RBFOX2: variants seen among roughly 807,000 people sequenced by gnomAD.
RBFOX2 encodes RNA binding fox-1 homolog 2, also known as RNA binding protein fox-1 homolog 2.
RBFOX2 carries 10 observed loss-of-function variants against 49.1 expected under a neutral mutation model. The observed-to-expected ratio is 0.20, with a 90% CI of 0.13 to 0.35. RBFOX2 has a LOEUF of 0.35. RBFOX2 is among the 10% of genes least tolerant of loss of function. The pLI is 1.00. For synonymous variants in RBFOX2, 183 were observed against 187.4 expected, an observed-to-expected ratio of 0.98 and a Z score of 0.19; for missense variants, 323 against 486.9, an observed-to-expected ratio of 0.66 and a Z score of 3.17.
At chr22:36,028,477 C>T in exon 1 of RBFOX2, 2 of 1,139,298 alleles carry the variant, frequency 1.8e-6, no homozygotes, top group Non-Finnish European at 1.1e-6. Flanking sequence ...GACAGGCCAC[C>T]TCCCCCTGGG....
chr22:35,950,495 T>C (rs1484406288), intron 1 of RBFOX2, among the ~76,000 whole-genome samples: 1 of 152,180 alleles, frequency 6.6e-6, no homozygotes, highest in Non-Finnish European at 1.5e-5. Context: ...AGCTAGTAGC[T>C]TCCCTCAGTA....
At chr22:35,883,335 A>G (rs2046168088) in intron 1 of RBFOX2, among the ~76,000 whole-genome samples, 2 of 152,188 alleles carry the variant, frequency 1.3e-5, no homozygotes, top group South Asian at 4.1e-4. Context: ...GATCTCTCCA[A>G]GAGGAACTCT....
intron 1 of RBFOX2, among the ~76,000 whole-genome samples, chr22:36,021,170 C>T (rs910870496): frequency 2.1e-4 from 31 of 145,406 alleles, no homozygotes; most frequent in African/African-American, 7.9e-4. Context: ...ACTGCATGTT[C>T]TCACTCATAG....
At chr22:36,003,901 A>C (rs1225913263) in intron 1 of RBFOX2, among the ~76,000 whole-genome samples, 1 of 152,228 alleles carries the variant, frequency 6.6e-6, no homozygotes, top group Non-Finnish European at 1.5e-5. Flanking sequence ...TTTTAAAGTT[A>C]ATGCAGGGTT....
chr22:35,995,981 G>C (rs1449425254), intron 1 of RBFOX2: 1 of 152,124 alleles, frequency 6.6e-6, no homozygotes, highest in Non-Finnish European at 1.5e-5. Flanking sequence ...AAGGGGCCTG[G>C]GCAAAATCCA....
chr22:35,809,692 C>G (rs1184609170), intron 2 of RBFOX2, 88 bp downstream of exon 3: 1 of 1,390,434 alleles, frequency 7.2e-7, no homozygotes, highest in Non-Finnish European at 1.0e-6. Context: ...TAAATTAATT[C>G]CGAGAGTCTT....
At chr22:35,787,850 A>T (rs1321552367) in intron 2 of RBFOX2, among the ~76,000 whole-genome samples, 1 of 152,190 alleles carries the variant, frequency 6.6e-6, no homozygotes, top group Non-Finnish European at 1.5e-5. Context: ...CCACTGGGCA[A>T]GGCATAAAAC....
chr22:35,952,442 A>T (rs1799157069), intron 1 of RBFOX2, among the ~76,000 whole-genome samples: 1 of 152,240 alleles, frequency 6.6e-6, no homozygotes, highest in African/African-American at 2.4e-5. Context: ...GGACACAAAG[A>T]TGAATAAGGC....
chr22:35,866,885 G>A (rs2043751088), intron 1 of RBFOX2, among the ~76,000 whole-genome samples: 1 of 152,130 alleles, frequency 6.6e-6, no homozygotes, highest in Non-Finnish European at 1.5e-5. Context: ...CTCTAACCAG[G>A]AGTCTCAACA....
chr22:35,997,807 CAGTGCCTAGGCTAT>C (rs1238937835), intron 1 of RBFOX2: 2 of 152,252 alleles, frequency 1.3e-5, no homozygotes, highest in Non-Finnish European at 2.9e-5. Context: ...CTGGGCAACA[CAGTGCCTAGGCTAT>C]AGTGCCTCAT....
At chr22:35,782,274 T>A (rs1253624130) in intron 2 of RBFOX2, among the ~76,000 whole-genome samples, 1 of 152,194 alleles carries the variant, frequency 6.6e-6, no homozygotes, top group African/African-American at 2.4e-5. Context: ...GTTGCCAAAG[T>A]ATTATAATGA....
At chr22:35,808,337 A>G (rs1165348533) in intron 2 of RBFOX2, among the ~76,000 whole-genome samples, 1 of 152,202 alleles carries the variant, frequency 6.6e-6, no homozygotes, top group African/African-American at 2.4e-5. Flanking sequence ...GTGCTTATAC[A>G]TAACTAATAA....
chr22:35,817,064 G>A (rs1423349571), intron 1 of RBFOX2, among the ~76,000 whole-genome samples: 2 of 151,682 alleles, frequency 1.3e-5, no homozygotes, highest in African/African-American at 4.8e-5. Flanking sequence ...CACATTCTGA[G>A]AAACACTGAC....
upstream of RBFOX2, among the ~76,000 whole-genome samples, chr22:35,943,749 C>CA (rs771212907): frequency 5.9e-5 from 9 of 152,110 alleles, no homozygotes; most frequent in Admixed American, 2.0e-4. Flanking sequence ...ATACAAAATA[C>CA]AAAAAATTAG....
At chr22:35,962,736 T>C (rs766432700), upstream of RBFOX2, among the ~76,000 whole-genome samples, 73 of 152,198 alleles carry the variant, frequency 4.8e-4, no homozygotes, top group Non-Finnish European at 4.0e-4. Flanking sequence ...TTTGAAATTG[T>C]TACTCCTCAC....
chr22:35,845,869 T>C (rs1205205015), intron 1 of RBFOX2, among the ~76,000 whole-genome samples: 2 of 152,176 alleles, frequency 1.3e-5, no homozygotes, highest in Non-Finnish European at 2.9e-5. Flanking sequence ...GGAAACTTTG[T>C]TGTCTTGTTC....
At chr22:35,881,213 G>A (rs569865295) in intron 1 of RBFOX2, among the ~76,000 whole-genome samples, 1 of 152,018 alleles carries the variant, frequency 6.6e-6, no homozygotes, top group African/African-American at 2.4e-5. Context: ...GCAGTGAGCC[G>A]ACGATCGCGC....
At chr22:35,994,471 T>C (rs560559903) in intron 1 of RBFOX2, 39 of 152,084 alleles carry the variant, frequency 2.6e-4, no homozygotes, top group African/African-American at 8.2e-4. Context: ...AGCAGCACGA[T>C]CATCGCTCAC....
intron 1 of RBFOX2, among the ~76,000 whole-genome samples, chr22:35,810,819 C>A (rs1408896052): frequency 6.6e-6 from 1 of 152,090 alleles, no homozygotes; most frequent in Non-Finnish European, 1.5e-5. Context: ...TCAAGATAGT[C>A]AACACATATA....
Sources: allele counts gnomAD v4.1 joint callset (sites outside exome capture counted in the v4.1 genomes callset), GRCh38; gene constraint gnomAD v4.1.1; transcripts MANE v1.5; gene names NCBI Gene and HGNC (gene_info 2026-07-23, HGNC 2026-07-21).